Variants in TSHZ2 observed in about 807,000 individuals in gnomAD.
TSHZ2 encodes teashirt zinc finger homeobox 2.
A neutral mutation model predicts 74.4 loss-of-function variants in TSHZ2; 21 were observed. The ratio of observed to expected loss-of-function variants is 0.28; its 90% CI spans 0.20 to 0.41. The LOEUF is 0.41. TSHZ2 is among the 10% of genes least tolerant of loss of function. TSHZ2 has a pLI of 1.00. For missense variants in TSHZ2, 1,244 were observed against 1,293.5 expected, an observed-to-expected ratio of 0.96 and a Z score of 0.59; for synonymous variants, 540 against 515.3, an observed-to-expected ratio of 1.05 and a Z score of -0.65.
intron 1 of TSHZ2, among the ~76,000 whole-genome samples, chr20:53,033,974 A>G (rs1462593796): frequency 6.6e-6 from 1 of 152,120 alleles, no homozygotes; most frequent in African/African-American, 2.4e-5. Flanking sequence ...GCCACTTTTT[A>G]AATAGTAAGA....
At chr20:53,258,101 C>T (rs1390832115) in intron 2 of TSHZ2, among the ~76,000 whole-genome samples, 1 of 152,184 alleles carries the variant, frequency 6.6e-6, no homozygotes, top group East Asian at 1.9e-4. Flanking sequence ...AGGAGTCCTC[C>T]TATAACTCTA....
At chr20:53,365,962 C>A (rs1207914513) in intron 2 of TSHZ2, among the ~76,000 whole-genome samples, 1 of 152,162 alleles carries the variant, frequency 6.6e-6, no homozygotes, top group Non-Finnish European at 1.5e-5. Context: ...TTTTATAATC[C>A]TCAACCTTGG....
intron 2 of TSHZ2, among the ~76,000 whole-genome samples, chr20:53,296,035 CAAAAAAAAAAAAA>C: frequency 1.0e-5 from 1 of 97,870 alleles, no homozygotes; most frequent in Admixed American, 1.1e-4. Flanking sequence ...GTAATGACTG[CAAAAAAAAAAAAA>C]AAAAAAATCC....
intron 2 of TSHZ2, among the ~76,000 whole-genome samples, chr20:53,460,811 G>C (rs1985329908): frequency 6.6e-6 from 1 of 152,194 alleles, no homozygotes; most frequent in Non-Finnish European, 1.5e-5. Context: ...CCTGCCGTGT[G>C]AGGTGTCAGT....
At chr20:53,252,729 C>T (rs899713579) in intron 1 of TSHZ2, among the ~76,000 whole-genome samples, 10 of 152,166 alleles carry the variant, frequency 6.6e-5, no homozygotes, top group Non-Finnish European at 1.0e-4. Flanking sequence ...GGCACAAGAT[C>T]GAGAGGGCAT....
intron 2 of TSHZ2, among the ~76,000 whole-genome samples, chr20:53,482,138 A>G (rs1986169658): frequency 6.8e-6 from 1 of 147,886 alleles, no homozygotes; most frequent in Admixed American, 6.7e-5. Flanking sequence ...AAAAAAAGTA[A>G]CTATACTCAG....
intron 2 of TSHZ2, among the ~76,000 whole-genome samples, chr20:53,329,857 C>A (rs1393748953): frequency 6.6e-6 from 1 of 152,078 alleles, no homozygotes; most frequent in African/African-American, 2.4e-5. Context: ...CAGAGCCAGG[C>A]CAATGTTAAT....
chr20:53,460,523 C>T (rs1314877302), intron 2 of TSHZ2, among the ~76,000 whole-genome samples: 3 of 152,112 alleles, frequency 2.0e-5, no homozygotes, highest in Admixed American at 6.6e-5. Flanking sequence ...GTAATTTGAT[C>T]GTCTGAAGCC....
rs184886385 is a variant in TSHZ2 at position 53,241,107 on chromosome 20, A to T, written c.41-12392A>T. The stretch of plus-strand genomic sequence containing the variant: ...CCATTTTCTCTATAGGTAGGGACAA[A>T]GAAAAGATGACAGCTCTTGGAAATA... On this transcript the variant is annotated intron_variant, in intron 1 of 2. Transcript: ENST00000371497. Among the ~76,000 whole-genome samples the T allele has an allele frequency of 2.4e-3, 371 of 152,322 alleles. 3 individuals carry two copies. Among genetic ancestry groups the T allele is most frequent in the African/African-American group, 8.6e-3 (356 of 41,564 alleles).
chr20:52,987,834 T>G (rs188078140), intron 1 of TSHZ2, among the ~76,000 whole-genome samples: 2 of 152,242 alleles, frequency 1.3e-5, no homozygotes, highest in Admixed American at 1.3e-4. Flanking sequence ...GGGTTCCAGA[T>G]CAGTGAGACA....
rs536267589 is a variant in TSHZ2 at position 53,222,899 on chromosome 20, G to A, written c.41-30600G>A. ...ACAAGAAATGTATCCTTTTTTTAGTGTCTTACCCTTCATATCTAGAGTTGC... is the reference window on the plus strand; with the variant it reads ...ACAAGAAATGTATCCTTTTTTTAGTATCTTACCCTTCATATCTAGAGTTGC... On this transcript the variant is annotated intron_variant, in intron 1 of 2. Coordinates refer to ENST00000371497, the MANE Select transcript of TSHZ2 (RefSeq NM_173485.6). Among the ~76,000 whole-genome samples, 16 of 152,220 alleles carry A rather than the reference G, an allele frequency of 1.1e-4. No homozygotes were observed. In the East Asian group the frequency reaches 3.1e-3, roughly 29 times the overall value.
At chr20:52,995,474 A>G (rs1305045192) in intron 1 of TSHZ2, among the ~76,000 whole-genome samples, 2 of 152,174 alleles carry the variant, frequency 1.3e-5, no homozygotes, top group Non-Finnish European at 2.9e-5. Flanking sequence ...TCAAAGTGGC[A>G]TTACCAAAAA....
chr20:53,460,233 T>G (rs554209292), intron 2 of TSHZ2, among the ~76,000 whole-genome samples: 1 of 152,100 alleles, frequency 6.6e-6, no homozygotes, highest in Non-Finnish European at 1.5e-5. Flanking sequence ...TAGTCCCATA[T>G]TTCTTGGAGG....
chr20:53,026,232 A>G (rs933207929), intron 1 of TSHZ2, among the ~76,000 whole-genome samples: 3 of 151,964 alleles, frequency 2.0e-5, no homozygotes, highest in African/African-American at 7.3e-5. Context: ...GATCCTTCTC[A>G]TTGTGCCTGC....
chr20:53,053,085 ACTTT>A (rs1237546690), intron 1 of TSHZ2, among the ~76,000 whole-genome samples: 1 of 152,034 alleles, frequency 6.6e-6, no homozygotes, highest in African/African-American at 2.4e-5. Context: ...TGGTAGAGAG[ACTTT>A]CTGTCTCTAT....
At chr20:53,176,254 C>T (rs1988333966) in intron 1 of TSHZ2, among the ~76,000 whole-genome samples, 1 of 152,196 alleles carries the variant, frequency 6.6e-6, no homozygotes, top group South Asian at 2.1e-4. Context: ...GTATCTTCTC[C>T]CTGATAAGCC....
At chr20:53,395,561 G>A (rs1417934385) in intron 2 of TSHZ2, among the ~76,000 whole-genome samples, 1 of 152,214 alleles carries the variant, frequency 6.6e-6, no homozygotes, top group Non-Finnish European at 1.5e-5. Flanking sequence ...TTCCTGTCTT[G>A]ACAATGGAGC....
At chr20:53,130,451 C>T (rs1030994332) in intron 1 of TSHZ2, among the ~76,000 whole-genome samples, 5 of 151,968 alleles carry the variant, frequency 3.3e-5, no homozygotes, top group African/African-American at 1.2e-4. Context: ...GCAGCGAAAC[C>T]CCATCTCTAC....
chr20:53,143,857 C>T (rs985186913), intron 1 of TSHZ2, among the ~76,000 whole-genome samples: 2 of 152,092 alleles, frequency 1.3e-5, no homozygotes, highest in African/African-American at 4.8e-5. Context: ...TTAATTCACG[C>T]AGAGCTGGCT....
Sources: gnomAD v4.1 joint callset for allele counts (sites outside exome capture counted in the v4.1 genomes callset) on GRCh38, gnomAD v4.1.1 for gene constraint, MANE v1.5 for transcripts, NCBI Gene and HGNC (gene_info 2026-07-23, HGNC 2026-07-21) for gene names.